NCR1: variants seen among roughly 807,000 people sequenced by gnomAD.
NCR1 encodes NK cell-activating receptor.
NCR1 carries 30 observed loss-of-function variants against 32.5 expected under a neutral mutation model. The ratio of observed to expected loss-of-function variants is 0.92; its 90% CI spans 0.69 to 1.25. The LOEUF (loss-of-function observed/expected upper bound fraction) is 1.25, where lower values mean the gene tolerates loss of function less well. Ranked by LOEUF, NCR1 falls within the 50% of genes most tolerant of loss-of-function variation. NCR1 has a pLI of 0.00. For missense variants in NCR1, 369 were observed against 380.7 expected, an observed-to-expected ratio of 0.97 and a Z score of 0.26; for synonymous variants, 169 against 143.4, an observed-to-expected ratio of 1.18 and a Z score of -1.28.
chr19:54,928,792 T>C, the NCR1 span, among the ~76,000 whole-genome samples: 13 of 135,030 alleles, frequency 9.6e-5, no homozygotes, highest in South Asian at 3.4e-3. Flanking sequence ...TGTAGGCCAC[T>C]GTAGAAGCCT....
upstream of NCR1, among the ~76,000 whole-genome samples, chr19:54,903,810 G>C (rs1184300166): frequency 6.6e-6 from 1 of 151,458 alleles, no homozygotes; most frequent in Non-Finnish European, 1.5e-5. Flanking sequence ...ATTAAGTGGA[G>C]AGTTAGTTAC....
At chr19:54,920,087 GTTTTATA>G (rs2068218805), downstream of NCR1, among the ~76,000 whole-genome samples, 1 of 152,130 alleles carries the variant, frequency 6.6e-6, no homozygotes, top group Non-Finnish European at 1.5e-5. Flanking sequence ...AACAATTCTT[GTTTTATA>G]TTTTATTATA....
At chr19:54,900,896 C>T in the NCR1 span, among the ~76,000 whole-genome samples, 2 of 151,786 alleles carry the variant, frequency 1.3e-5, no homozygotes. Context: ...GCACCAACTC[C>T]GTGAATACCA....
chr19:54,902,985 T>TGA (rs2067327022), upstream of NCR1, among the ~76,000 whole-genome samples: 1 of 151,058 alleles, frequency 6.6e-6, no homozygotes, highest in Non-Finnish European at 1.5e-5. Flanking sequence ...CAAAAATTAG[T>TGA]CGAGTGTGGT....
Position 54,906,230 on chromosome 19 carries a change from T to C in NCR1, c.34+9T>C. On this transcript the variant is annotated intron_variant, in intron 1 of 6. Coordinates refer to ENST00000291890, the MANE Select transcript of NCR1 (RefSeq NM_004829.7). ...TGCCCTGCTCTGCGTCGGTGAGTTCTGGCGTGGAAGGGGAATGGGATCACG... is the reference window on the plus strand; with the variant it reads ...TGCCCTGCTCTGCGTCGGTGAGTTCCGGCGTGGAAGGGGAATGGGATCACG... 1 of 1,614,224 alleles carries C rather than the reference T, an allele frequency of 6.2e-7. No individual in the cohort carries two copies. Among genetic ancestry groups the C allele is most frequent in the Non-Finnish European group, 8.5e-7 (1 of 1,180,038 alleles).
chr19:54,904,618 C>T (rs1229670668), upstream of NCR1, among the ~76,000 whole-genome samples: 11 of 149,704 alleles, frequency 7.3e-5, no homozygotes, highest in Admixed American at 1.3e-4. Flanking sequence ...CTGCAACCTT[C>T]ACCTTCCAGG....
At chr19:54,909,663 C>A in intron 4 of NCR1, 140 bp downstream of exon 4, 1 of 1,041,970 alleles carries the variant, frequency 9.6e-7, no homozygotes, top group Non-Finnish European at 1.4e-6. Context: ...AGGAAGAACA[C>A]CAGAAGCAGG....
the NCR1 span, chr19:54,923,723 G>C: frequency 6.2e-7 from 1 of 1,612,308 alleles, no homozygotes; most frequent in African/African-American, 1.3e-5. Context: ...GTAATTCGTA[G>C]AGCGATCCCA....
chr19:54,937,343 A>C, the NCR1 span, among the ~76,000 whole-genome samples: 1 of 151,964 alleles, frequency 6.6e-6, no homozygotes, highest in African/African-American at 2.4e-5. Flanking sequence ...CTGTGTAACT[A>C]ACCTGTACTT....
At chr19:54,920,341 TC>T (rs1457903461), downstream of NCR1, among the ~76,000 whole-genome samples, 1 of 152,140 alleles carries the variant, frequency 6.6e-6, no homozygotes, top group African/African-American at 2.4e-5. Context: ...CTCATCCAAG[TC>T]CAGGGGTGCT....
At chr19:54,914,842 C>T (rs140099781), downstream of NCR1, among the ~76,000 whole-genome samples, 1,443 of 151,228 alleles carry the variant, frequency 9.5e-3, 30 homozygotes, top group African/African-American at 0.033. Flanking sequence ...GGGGCTCAAG[C>T]GATTCTCCTT....
intron 3 of NCR1, 44 bp from the exon 4 acceptor site, chr19:54,909,201 T>C (rs368467403): frequency 3.0e-5 from 46 of 1,554,946 alleles, no homozygotes; most frequent in Non-Finnish European, 4.0e-5. Context: ...AGCTGGCTGC[T>C]CATCACTGAG....
At chr19:54,936,493 G>T in the NCR1 span, 1 of 1,380,086 alleles carries the variant, frequency 7.2e-7, no homozygotes, top group Non-Finnish European at 1.0e-6. Flanking sequence ...GTGGAGGCAT[G>T]TATAAACAAA....
chr19:54,904,420 A>G (rs1022367802), upstream of NCR1, among the ~76,000 whole-genome samples: 1 of 151,956 alleles, frequency 6.6e-6, no homozygotes, highest in Non-Finnish European at 1.5e-5. Flanking sequence ...TGAGGCTTGC[A>G]TTAATGATCT....
downstream of NCR1, among the ~76,000 whole-genome samples, chr19:54,920,754 C>T (rs192954254): frequency 3.5e-4 from 53 of 152,304 alleles, no homozygotes; most frequent in African/African-American, 1.1e-3. Flanking sequence ...GAGTTTAAGG[C>T]TGCAGTGAGC....
chr19:54,928,988 C>T, the NCR1 span, among the ~76,000 whole-genome samples: 4 of 152,014 alleles, frequency 2.6e-5, no homozygotes, highest in African/African-American at 7.2e-5. Flanking sequence ...GTAATCCACC[C>T]GTTTGCATTG....
At chr19:54,904,444 GTA>G (rs2067423909), upstream of NCR1, among the ~76,000 whole-genome samples, 1 of 151,578 alleles carries the variant, frequency 6.6e-6, no homozygotes, top group Non-Finnish European at 1.5e-5. Flanking sequence ...CACCAAATAG[GTA>G]GATTTTCAAG....
At chr19:54,936,065 G>T in the NCR1 span, among the ~76,000 whole-genome samples, 1 of 152,172 alleles carries the variant, frequency 6.6e-6, no homozygotes, top group Non-Finnish European at 1.5e-5. Flanking sequence ...TCTTTGCATG[G>T]ATAGCTGGTT....
the NCR1 span, chr19:54,923,467 G>T: frequency 1.9e-6 from 1 of 526,854 alleles, no homozygotes; most frequent in African/African-American, 1.9e-5. Context: ...AGAGTACCAT[G>T]TTTATTGCAG....
Sources: gnomAD v4.1 joint callset for allele counts (sites outside exome capture counted in the v4.1 genomes callset) on GRCh38, gnomAD v4.1.1 for gene constraint, MANE v1.5 for transcripts, NCBI Gene and HGNC (gene_info 2026-07-23, HGNC 2026-07-21) for gene names.